The following MYRIP variants were observed in gnomAD, a reference collection of about 807,000 sequenced individuals.
The protein encoded by MYRIP is rab effector MyRIP.
Under a neutral mutation model 98.0 loss-of-function variants are expected in MYRIP, and 49 were observed. The observed-to-expected ratio is 0.50, with a 90% CI of 0.40 to 0.63. The LOEUF is 0.63. Among genes scored for constraint, MYRIP ranks in the 30% least tolerant of loss-of-function variants. MYRIP has a pLI of 0.00. For synonymous variants in MYRIP, 404 were observed against 409.5 expected (o/e 0.99, Z 0.16); for missense variants, 1,004 against 1,058.2 (o/e 0.95, Z 0.71).
intron 3 of MYRIP, among the ~76,000 whole-genome samples, chr3:40,096,164 C>G (rs745591145): frequency 5.9e-5 from 9 of 151,956 alleles, no homozygotes; most frequent in Non-Finnish European, 1.2e-4. Flanking sequence ...TAGATATACC[C>G]GAGATGGCAG....
intron 1 of MYRIP, among the ~76,000 whole-genome samples, chr3:39,852,545 C>G (rs192910170): frequency 8.0e-5 from 12 of 150,166 alleles, no homozygotes; most frequent in South Asian, 4.2e-4. Flanking sequence ...CCCACTCCCC[C>G]CTTCCCCCTG....
chr3:40,027,402 TC>T (rs1295255663), intron 2 of MYRIP, among the ~76,000 whole-genome samples: 2 of 151,904 alleles, frequency 1.3e-5, no homozygotes, highest in Non-Finnish European at 2.9e-5. Context: ...CTCCATAACT[TC>T]CCCCTTGCAC....
chr3:40,139,946 A>G (rs1559417652), intron 3 of MYRIP, among the ~76,000 whole-genome samples: 1 of 152,152 alleles, frequency 6.6e-6, no homozygotes, highest in Non-Finnish European at 1.5e-5. Context: ...TTATCCATTC[A>G]CCTGCTGATG....
chr3:40,002,805 G>A (rs1204642114), intron 2 of MYRIP, among the ~76,000 whole-genome samples: 1 of 151,960 alleles, frequency 6.6e-6, no homozygotes, highest in Non-Finnish European at 1.5e-5. Flanking sequence ...TGTAGGTATT[G>A]CTATATCTAT....
At chr3:39,832,215 A>G (rs1000586016) in intron 1 of MYRIP, among the ~76,000 whole-genome samples, 1 of 152,192 alleles carries the variant, frequency 6.6e-6, no homozygotes, top group African/African-American at 2.4e-5. Flanking sequence ...AACACAGAAT[A>G]TGTTTGTAAC....
chr3:40,041,090 C>T (rs1279572736), intron 2 of MYRIP, among the ~76,000 whole-genome samples: 1 of 140,400 alleles, frequency 7.1e-6, no homozygotes, highest in African/African-American at 2.6e-5. Flanking sequence ...TCCCTGCATC[C>T]ATATTGATAA....
At chr3:40,197,245 C>T (rs1031286088) in intron 10 of MYRIP, among the ~76,000 whole-genome samples, 1 of 152,144 alleles carries the variant, frequency 6.6e-6, no homozygotes, top group Non-Finnish European at 1.5e-5. Flanking sequence ...TCGCGCTACT[C>T]TGAGAATCTA....
At chr3:39,857,086 G>C (rs1449595460) in intron 1 of MYRIP, among the ~76,000 whole-genome samples, 2 of 151,970 alleles carry the variant, frequency 1.3e-5, no homozygotes, top group African/African-American at 4.8e-5. Context: ...GGTGGTGTAT[G>C]CCTATAGTCC....
chr3:40,104,494 C>G (rs1949016270), intron 3 of MYRIP, among the ~76,000 whole-genome samples: 1 of 152,180 alleles, frequency 6.6e-6, no homozygotes, highest in African/African-American at 2.4e-5. Context: ...AGGCACACTT[C>G]TAAAGTCACT....
In MYRIP at chr3:40,208,072, C is replaced by A. The variant is rs367825681; in HGVS notation, c.1666-1782C>A. On this transcript the variant is annotated intron_variant, in intron 10 of 16. Coordinates refer to ENST00000302541, the MANE Select transcript of MYRIP (RefSeq NM_015460.4). ...TTCATTATTCTATTTATTTTTTCAT[C>A]TTTCTTTAGCATAATTGGGAATAAT... Among the ~76,000 whole-genome samples, 6 of 152,010 alleles carry A rather than the reference C, an allele frequency of 3.9e-5. No homozygotes were observed. The East Asian group carries it at 7.7e-4, about 20-fold the overall frequency.
intron 2 of MYRIP, among the ~76,000 whole-genome samples, chr3:39,986,864 G>T (rs1946043858): frequency 6.6e-6 from 1 of 152,126 alleles, no homozygotes; most frequent in Non-Finnish European, 1.5e-5. Context: ...GACCAAAGCA[G>T]ACTGCAGCTG....
intron 4 of MYRIP, among the ~76,000 whole-genome samples, chr3:40,159,511 C>T (rs1950328635): frequency 6.6e-6 from 1 of 151,472 alleles, no homozygotes; most frequent in African/African-American, 2.4e-5. Flanking sequence ...TTGTGGCATT[C>T]TCTGTATTTC....
intron 16 of MYRIP, among the ~76,000 whole-genome samples, chr3:40,253,172 T>C (rs527575805): frequency 4.6e-5 from 7 of 152,232 alleles, no homozygotes; most frequent in African/African-American, 1.7e-4. Flanking sequence ...ACAGGTATGC[T>C]CTAAGGAGAG....
At chr3:39,923,145 T>G (rs1944341643) in intron 2 of MYRIP, among the ~76,000 whole-genome samples, 1 of 151,810 alleles carries the variant, frequency 6.6e-6, no homozygotes, top group Middle Eastern at 3.2e-3. Context: ...TTACCTAGTG[T>G]GAACAACAGA....
At chr3:39,897,258 A>G (rs1007689579) in intron 1 of MYRIP, among the ~76,000 whole-genome samples, 1 of 152,180 alleles carries the variant, frequency 6.6e-6, no homozygotes, top group African/African-American at 2.4e-5. Context: ...ATTCTGATAG[A>G]CTTCCCAGAA....
intron 2 of MYRIP, among the ~76,000 whole-genome samples, chr3:39,927,480 C>A (rs1313441336): frequency 6.6e-6 from 1 of 151,712 alleles, no homozygotes; most frequent in South Asian, 2.1e-4. Context: ...TACAACCTCC[C>A]AAAATGGAAT....
chr3:39,975,637 G>C, intron 2 of MYRIP, among the ~76,000 whole-genome samples: 1 of 152,008 alleles, frequency 6.6e-6, no homozygotes, highest in Non-Finnish European at 1.5e-5. Context: ...CACGCTACCT[G>C]ACTTCAAACT....
At chr3:40,005,069 C>T (rs1288157496) in intron 2 of MYRIP, among the ~76,000 whole-genome samples, 2 of 152,074 alleles carry the variant, frequency 1.3e-5, no homozygotes, top group Non-Finnish European at 2.9e-5. Context: ...AGAATAATGG[C>T]CTCCAGCTGC....
intron 3 of MYRIP, among the ~76,000 whole-genome samples, chr3:40,077,401 C>T (rs767293379): frequency 5.9e-5 from 9 of 152,170 alleles, no homozygotes; most frequent in African/African-American, 1.7e-4. Context: ...GGTGCATTTA[C>T]GATCCCTGAG....
Sources: gnomAD v4.1 joint callset for allele counts (sites outside exome capture counted in the v4.1 genomes callset) on GRCh38, gnomAD v4.1.1 for gene constraint, MANE v1.5 for transcripts, NCBI Gene and HGNC (gene_info 2026-07-23, HGNC 2026-07-21) for gene names.